The following PTPRD variants were observed in gnomAD, a reference collection of about 807,000 sequenced individuals.
The protein encoded by PTPRD is protein tyrosine phosphatase receptor type D, also known as receptor-type tyrosine-protein phosphatase delta.
PTPRD carries 34 observed loss-of-function variants against 214.5 expected under a neutral mutation model. That is an observed-to-expected ratio of 0.16 (90% CI 0.12 to 0.21). The LOEUF (loss-of-function observed/expected upper bound fraction) is 0.21, where lower values mean the gene tolerates loss of function less well. Ranked by LOEUF, PTPRD falls within the 10% of genes least tolerant of loss-of-function variation. PTPRD has a pLI of 1.00. For synonymous variants in PTPRD, 1,128 were observed against 845.7 expected (o/e 1.33, Z -5.79); for missense variants, 2,545 against 2,398.7 (o/e 1.06, Z -1.27).
chr9:10,224,696 A>T (rs1000724817), intron 3 of PTPRD, among the ~76,000 whole-genome samples: 2 of 151,996 alleles, frequency 1.3e-5, no homozygotes, highest in African/African-American at 4.8e-5. Flanking sequence ...GCGCTGGTCC[A>T]CTGACACACA....
intron 8 of PTPRD, among the ~76,000 whole-genome samples, chr9:9,490,492 T>C (rs1382962572): frequency 6.6e-6 from 1 of 152,096 alleles, no homozygotes; most frequent in African/African-American, 2.4e-5. Context: ...ACATTTTGTT[T>C]ACTATATAAT....
At chr9:9,452,101 T>C (rs1230580280) in intron 8 of PTPRD, among the ~76,000 whole-genome samples, 2 of 151,450 alleles carry the variant, frequency 1.3e-5, no homozygotes, top group Admixed American at 1.3e-4. Context: ...TAACAATCTA[T>C]ACCTAGCAGT....
intron 2 of PTPRD, among the ~76,000 whole-genome samples, chr9:10,377,925 G>T (rs1260046305): frequency 6.6e-6 from 1 of 151,964 alleles, no homozygotes; most frequent in Non-Finnish European, 1.5e-5. Context: ...GTGTATATGT[G>T]GGAGTAGGAT....
chr9:8,650,440 G>A (rs946900867), intron 12 of PTPRD, among the ~76,000 whole-genome samples: 3 of 150,828 alleles, frequency 2.0e-5, no homozygotes, highest in Non-Finnish European at 4.4e-5. Flanking sequence ...CAGGAGAATC[G>A]CTTGAACCTG....
chr9:8,485,441 A>T, intron 28 of PTPRD, 117 bp from the exon 29 acceptor site: 1 of 711,246 alleles, frequency 1.4e-6, no homozygotes, highest in East Asian at 2.7e-5. Flanking sequence ...CAGAGAGAGA[A>T]GTATGATTTT....
At chr9:9,586,591 A>G (rs569266439) in intron 7 of PTPRD, among the ~76,000 whole-genome samples, 1 of 152,126 alleles carries the variant, frequency 6.6e-6, no homozygotes, top group East Asian at 1.9e-4. Context: ...TATGAGGTGA[A>G]ACATCTTTAG....
intron 44 of PTPRD, among the ~76,000 whole-genome samples, chr9:8,331,174 G>T (rs929854018): frequency 6.7e-6 from 1 of 148,604 alleles, no homozygotes; most frequent in Non-Finnish European, 1.5e-5. Context: ...ACTTAATATT[G>T]TCATTAGGAT....
intron 7 of PTPRD, among the ~76,000 whole-genome samples, chr9:9,615,949 C>T (rs540962750): frequency 4.6e-5 from 7 of 152,156 alleles, no homozygotes; most frequent in African/African-American, 1.7e-4. Flanking sequence ...CTTAACTGTC[C>T]AAGAAAACTC....
chr9:10,417,717 A>G (rs1479189331), intron 2 of PTPRD, among the ~76,000 whole-genome samples: 1 of 151,854 alleles, frequency 6.6e-6, no homozygotes, highest in African/African-American at 2.4e-5. Context: ...AATAGTAGCA[A>G]GGAAGACCCT....
intron 8 of PTPRD, among the ~76,000 whole-genome samples, chr9:9,425,914 G>T (rs1461469477): frequency 6.6e-6 from 1 of 152,070 alleles, no homozygotes; most frequent in Non-Finnish European, 1.5e-5. Context: ...AAATCAAAAA[G>T]AAACACTGGG....
At chr9:10,421,033 A>G (rs777175929) in intron 2 of PTPRD, among the ~76,000 whole-genome samples, 4 of 151,898 alleles carry the variant, frequency 2.6e-5, no homozygotes, top group African/African-American at 4.8e-5. Context: ...CTTGGGCCAT[A>G]CATAAAATAC....
chr9:9,808,524 G>C (rs556951394), intron 5 of PTPRD, among the ~76,000 whole-genome samples: 2 of 152,226 alleles, frequency 1.3e-5, no homozygotes, highest in South Asian at 4.1e-4. Context: ...TTTTCTGAGG[G>C]CAGCACAGAG....
chr9:9,697,180 TA>T (rs771265152), intron 7 of PTPRD, among the ~76,000 whole-genome samples: 2 of 152,130 alleles, frequency 1.3e-5, no homozygotes, highest in Non-Finnish European at 2.9e-5. Flanking sequence ...GATTGCTTTT[TA>T]GTCTTCACAC....
At chr9:10,310,867 C>T (rs1251127360) in intron 3 of PTPRD, among the ~76,000 whole-genome samples, 1 of 151,994 alleles carries the variant, frequency 6.6e-6, no homozygotes, top group African/African-American at 2.4e-5. Context: ...TGTTGTTACT[C>T]TGGGCAGAGG....
chr9:10,181,603 C>T (rs1302726064), intron 3 of PTPRD, among the ~76,000 whole-genome samples: 1 of 151,598 alleles, frequency 6.6e-6, no homozygotes, highest in Non-Finnish European at 1.5e-5. Context: ...AAATAGAGAA[C>T]TGATTCTGTC....
chr9:9,968,594 A>C (rs2094872638), intron 4 of PTPRD, among the ~76,000 whole-genome samples: 1 of 152,110 alleles, frequency 6.6e-6, no homozygotes, highest in Non-Finnish European at 1.5e-5. Flanking sequence ...TCTTTGCCTA[A>C]TGTGGTGTGT....
In PTPRD at chr9:8,316,676, A is replaced by G; in HGVS notation, c.*1198T>C. ...AATATTGAACTTTGTTGGAAGCCTG[A>G]CTAACAAACAAACAAAACAATTTGT... On this transcript the variant is annotated 3_prime_UTR_variant, in exon 46 of 46. Coordinates refer to ENST00000381196, the MANE Select transcript of PTPRD (RefSeq NM_002839.4). 4.3e-6 allele frequency: 1 copy of G among 230,898 alleles called. No individual in the cohort carries two copies. The highest frequency in any genetic ancestry group is 8.6e-6 in the Non-Finnish European group (1 of 116,426). The allele number at this position is 230,898 out of a possible 1,614,324, so 14.3% of individuals were successfully genotyped here.
At chr9:8,866,128 C>T (rs1307729397) in intron 11 of PTPRD, among the ~76,000 whole-genome samples, 1 of 152,142 alleles carries the variant, frequency 6.6e-6, no homozygotes, top group Non-Finnish European at 1.5e-5. Flanking sequence ...ATTTTCAAAA[C>T]TCATTGGCCA....
At chr9:9,455,382 A>G (rs1189859589) in intron 8 of PTPRD, among the ~76,000 whole-genome samples, 2 of 151,566 alleles carry the variant, frequency 1.3e-5, no homozygotes, top group Non-Finnish European at 3.0e-5. Flanking sequence ...CTCTAGTTTC[A>G]TTTTGATTTT....
Sources: allele counts gnomAD v4.1 joint callset (sites outside exome capture counted in the v4.1 genomes callset), GRCh38; gene constraint gnomAD v4.1.1; transcripts MANE v1.5; gene names NCBI Gene and HGNC (gene_info 2026-07-23, HGNC 2026-07-21).